The following HDGFL3 variants were observed in gnomAD, a reference collection of about 807,000 sequenced individuals.
HDGFL3 encodes the protein hepatoma-derived growth factor-related protein 3.
HDGFL3 carries 6 observed loss-of-function variants against 27.6 expected under a neutral mutation model. The observed-to-expected ratio is 0.22, with a 90% CI of 0.12 to 0.43. The LOEUF is 0.43. Ranked by LOEUF, HDGFL3 falls within the 20% of genes least tolerant of loss-of-function variation. The pLI, the probability that HDGFL3 is intolerant of heterozygous loss-of-function variation, is 1.00. For synonymous variants in HDGFL3, 88 were observed against 88.9 expected, an observed-to-expected ratio of 0.99 and a Z score of 0.05; for missense variants, 207 against 250.1, an observed-to-expected ratio of 0.83 and a Z score of 1.16.
Position 83,207,520 on chromosome 15 carries a change from C to A in HDGFL3, c.-106G>T. On this transcript the variant is annotated 5_prime_UTR_variant, in exon 1 of 6. Coordinates refer to ENST00000299633, the MANE Select transcript of HDGFL3 (RefSeq NM_016073.4). The surrounding 1 kb of genome is among the most constrained non-coding windows in gnomAD (Gnocchi z 4.8). ...GCCGCGCTCCCCGCGGGCCTCAAGCCGGGCGGACGAGCGGCCGCTCCGACG... is the reference window on the plus strand; with the variant it reads ...GCCGCGCTCCCCGCGGGCCTCAAGCAGGGCGGACGAGCGGCCGCTCCGACG... 1 of 916,216 alleles carries A rather than the reference C, an allele frequency of 1.1e-6. No homozygotes were observed. Among genetic ancestry groups the A allele is most frequent in the South Asian group, 5.3e-5 (1 of 18,940 alleles). The allele number at this position is 916,216 out of a possible 1,614,324, so 56.8% of individuals were successfully genotyped here.
chr15:83,122,885 T>G (rs759376517), downstream of HDGFL3: 5 of 1,613,646 alleles, frequency 3.1e-6, no homozygotes, highest in Admixed American at 3.3e-5. Flanking sequence ...AAAGGTGATT[T>G]TATTAAGCTT....
In HDGFL3 at chr15:83,130,602, T is replaced by A. The variant is rs547413124; in HGVS notation, c.*8668A>T. On this transcript the variant is annotated 3_prime_UTR_variant, in exon 6 of 6. Coordinates refer to ENST00000299633, the MANE Select transcript of HDGFL3 (RefSeq NM_016073.4). ...CTGAGTAAAGAATTATGGGTCTGAT[T>A]CCCACAGCTCTTGGCTGAGCTTTAA... 2.0e-5 allele frequency: 3 copies of A among 152,334 alleles called. No homozygotes were observed. The East Asian group carries it at 5.8e-4, about 29-fold the overall frequency. 9.4% of individuals were successfully genotyped at this position (152,334 alleles called of 1,614,324 possible).
At chr15:83,140,780 G>A (rs1378204137) in intron 5 of HDGFL3, among the ~76,000 whole-genome samples, 1 of 152,150 alleles carries the variant, frequency 6.6e-6, no homozygotes, top group Non-Finnish European at 1.5e-5. Context: ...ACCGTGCCTG[G>A]CCGAAACCTT....
chr15:83,120,587 CTTTTT>C (rs993490763), intron 3 of HDGFL3, among the ~76,000 whole-genome samples: 1 of 125,946 alleles, frequency 7.9e-6, no homozygotes, highest in Non-Finnish European at 1.7e-5. Flanking sequence ...CCAGCTAATT[CTTTTT>C]TTTTTTTTTT....
At chr15:83,193,163 G>A (rs1053554501) in intron 1 of HDGFL3, among the ~76,000 whole-genome samples, 1 of 152,176 alleles carries the variant, frequency 6.6e-6, no homozygotes, top group African/African-American at 2.4e-5. Context: ...TGCAATGGGA[G>A]AAAATTATTT....
Position 83,136,540 on chromosome 15 carries a change from C to A in HDGFL3, c.*2730G>T. 2 of 1,613,664 alleles carry A rather than the reference C, an allele frequency of 1.2e-6. No homozygotes were observed. Among genetic ancestry groups the A allele is most frequent in the Non-Finnish European group, 8.5e-7 (1 of 1,179,852 alleles). ...CTAGAACTGCTTATGTCTACAGAGTCCCTGAAGAAGCAAAAATCCTTTTTT... is the reference window on the plus strand; with the variant it reads ...CTAGAACTGCTTATGTCTACAGAGTACCTGAAGAAGCAAAAATCCTTTTTT... On this transcript the variant is annotated 3_prime_UTR_variant, in exon 6 of 6. Transcript: ENST00000299633.
intron 1 of HDGFL3, among the ~76,000 whole-genome samples, chr15:83,178,700 TAA>T (rs1382252793): frequency 6.6e-6 from 1 of 152,186 alleles, no homozygotes; most frequent in African/African-American, 2.4e-5. Context: ...CTCATAGAGC[TAA>T]GTTTCTTTTA....
At chr15:83,141,518 G>GAT (rs1228659431) in intron 5 of HDGFL3, among the ~76,000 whole-genome samples, 4 of 152,186 alleles carry the variant, frequency 2.6e-5, no homozygotes, top group Non-Finnish European at 5.9e-5. Flanking sequence ...TTTTGCCAAT[G>GAT]ATAAAATTTG....
At position 83,207,270 on chromosome 15, in the gene HDGFL3, C is replaced by A. The variant is rs2037730896; in HGVS notation, c.84+61G>T. On this transcript the variant is annotated intron_variant, in intron 1 of 5. Coordinates refer to ENST00000299633, the MANE Select transcript of HDGFL3 (RefSeq NM_016073.4). This position sits in a 1 kb window ranked among gnomAD's most constrained non-coding sequence, Gnocchi z 4.8. The stretch of plus-strand genomic sequence containing the variant: ...TGAGGCGATGGGGAAAGGGGGCGGG[C>A]GCGCCATCATGAAGGGGAAAATGGT... 8.7e-7 allele frequency: 1 copy of A among 1,146,454 alleles called. No homozygotes were observed. Among genetic ancestry groups the A allele is most frequent in the South Asian group, 2.5e-5 (1 of 39,272 alleles). 71.0% of individuals were successfully genotyped at this position (1,146,454 alleles called of 1,614,324 possible).
intron 1 of HDGFL3, among the ~76,000 whole-genome samples, chr15:83,164,754 G>A (rs1028646417): frequency 3.9e-5 from 6 of 152,156 alleles, no homozygotes; most frequent in African/African-American, 1.4e-4. Context: ...AGCTGAAGTT[G>A]AGAATCTCTA....
chr15:83,162,052 C>T (rs2037107978), intron 2 of HDGFL3, among the ~76,000 whole-genome samples: 2 of 152,250 alleles, frequency 1.3e-5, no homozygotes, highest in Middle Eastern at 3.4e-3. Flanking sequence ...TTTAGCTGAA[C>T]CAAACGTAGC....
At position 83,207,235 on chromosome 15, in the gene HDGFL3, G is replaced by C. The variant is rs1263747805; in HGVS notation, c.84+96C>G. The C allele has an allele frequency of 1.2e-6, 1 of 854,806 alleles. No individual in the cohort carries two copies. The highest frequency in any genetic ancestry group is 3.4e-5 in the East Asian group (1 of 29,734). The allele number at this position is 854,806 out of a possible 1,614,324, so 53.0% of individuals were successfully genotyped here. On this transcript the variant is annotated intron_variant, in intron 1 of 5. Transcript: ENST00000299633. This position sits in a 1 kb window ranked among gnomAD's most constrained non-coding sequence, Gnocchi z 4.8. ...TCACCACAGCCGGCCGCGAGCTGCG[G>C]GCTCGGGGCTGAGGCGATGGGGAAA...
At chr15:83,144,035 G>C (rs781278985) in intron 5 of HDGFL3, among the ~76,000 whole-genome samples, 1 of 152,098 alleles carries the variant, frequency 6.6e-6, no homozygotes, top group Non-Finnish European at 1.5e-5. Context: ...ACGATTCTCA[G>C]ACCTTCCCCT....
intron 1 of HDGFL3, among the ~76,000 whole-genome samples, chr15:83,195,447 C>A (rs2037557785): frequency 6.6e-6 from 1 of 151,388 alleles, no homozygotes; most frequent in Non-Finnish European, 1.5e-5. Context: ...AAAATATTGT[C>A]ATCGAGATCT....
chr15:83,112,990 C>T (rs2034326000), exon 4 of HDGFL3: 1 of 1,105,464 alleles, frequency 9.0e-7, no homozygotes, highest in African/African-American at 1.5e-5. Context: ...GTTGTGAATA[C>T]TCTGAGCCCT....
chr15:83,183,353 A>T (rs1226552742), intron 1 of HDGFL3, among the ~76,000 whole-genome samples: 1 of 151,876 alleles, frequency 6.6e-6, no homozygotes, highest in Non-Finnish European at 1.5e-5. Context: ...TCGTAGAGTG[A>T]AATTATTGCT....
intron 1 of HDGFL3, among the ~76,000 whole-genome samples, chr15:83,202,992 T>C (rs1332336014): frequency 6.6e-6 from 1 of 152,090 alleles, no homozygotes; most frequent in Admixed American, 6.5e-5. Flanking sequence ...TTGGTGAATA[T>C]AAACACTCAT....
chr15:83,171,014 CAAT>C (rs2037240202), intron 1 of HDGFL3, among the ~76,000 whole-genome samples: 1 of 152,018 alleles, frequency 6.6e-6, no homozygotes. Context: ...ATCAAAACCA[CAAT>C]GAGATACTAT....
At chr15:83,115,809 CT>C in intron 3 of HDGFL3, 1 of 1,373,658 alleles carries the variant, frequency 7.3e-7, no homozygotes, top group Middle Eastern at 1.8e-4. Context: ...GTCTCCTGAG[CT>C]ATTGCTTTTT....
Sources: allele counts gnomAD v4.1 joint callset (sites outside exome capture counted in the v4.1 genomes callset), GRCh38; gene constraint gnomAD v4.1.1; non-coding constraint Gnocchi (gnomAD v3.1); transcripts MANE v1.5; gene names NCBI Gene and HGNC (gene_info 2026-07-23, HGNC 2026-07-21).